Variants in GAB1 observed in about 807,000 individuals in gnomAD.
GAB1 encodes the protein GRB2-associated-binding protein 1.
A neutral mutation model predicts 66.5 loss-of-function variants in GAB1; 19 were observed. The ratio of observed to expected loss-of-function variants is 0.29; its 90% confidence interval spans 0.20 to 0.42. The LOEUF (loss-of-function observed/expected upper bound fraction) is 0.42, where lower values mean the gene tolerates loss of function less well. Among genes scored for constraint, GAB1 ranks in the 10% least tolerant of loss-of-function variants. The probability of loss-of-function intolerance (pLI) is 1.00; values close to 1 mark genes in which losing one functional copy is unlikely to be tolerated. For missense variants in GAB1, 732 were observed against 858.5 expected, an observed-to-expected ratio of 0.85 and a Z score of 1.84; for synonymous variants, 294 against 301.4, an observed-to-expected ratio of 0.98 and a Z score of 0.25.
At chr4:143,420,306 C>T (rs1732945217) in intron 2 of GAB1, among the ~76,000 whole-genome samples, 1 of 152,036 alleles carries the variant, frequency 6.6e-6, no homozygotes, top group African/African-American at 2.4e-5. Context: ...TTATCACAGT[C>T]TAAGAAAATA....
chr4:143,438,271 C>A lies in GAB1; in HGVS notation c.866C>A (p.Thr289Asn). The A allele has an allele frequency of 1.9e-6, 3 of 1,613,936 alleles. No homozygotes were observed. The highest frequency in any genetic ancestry group is 2.5e-6 in the Non-Finnish European group (3 of 1,179,888). Residue 289 changes from threonine (T) to asparagine (N), a missense_variant, in exon 4 of 10, where the codon ACC (threonine) becomes AAC (asparagine). Coordinates refer to ENST00000262994, the MANE Select transcript of GAB1 (RefSeq NM_002039.4). ...GATGGAGAACTCTATGTTTTTAATA[C>A]CCCATCTGGGACATCGAGTGTAGAG... ...EADGELYVFN[T>N]PSGTSSVETQ...
At chr4:143,408,779 A>G (rs1732201973) in intron 1 of GAB1, among the ~76,000 whole-genome samples, 1 of 152,236 alleles carries the variant, frequency 6.6e-6, no homozygotes, top group Non-Finnish European at 1.5e-5. Context: ...TTTGAATTCT[A>G]CTAAAGAAGT....
intron 1 of GAB1, among the ~76,000 whole-genome samples, chr4:143,361,102 T>G (rs139286904): frequency 3.2e-4 from 49 of 152,238 alleles, no homozygotes; most frequent in African/African-American, 7.5e-4. Context: ...GGTTAAAAAT[T>G]CAAGTTTTTG....
intron 9 of GAB1, 108 bp from the exon 10 acceptor site, chr4:143,468,923 C>CAA: frequency 1.6e-4 from 159 of 975,562 alleles, no homozygotes; most frequent in Non-Finnish European, 1.8e-4. Context: ...AACTCCTTCT[C>CAA]AAAAAAAAAA....
intron 3 of GAB1, among the ~76,000 whole-genome samples, chr4:143,435,721 G>A (rs923829312): frequency 3.9e-5 from 6 of 152,194 alleles, no homozygotes; most frequent in Non-Finnish European, 8.8e-5. Context: ...CACCTTTGGA[G>A]TTTACAAGTA....
At chr4:143,444,693 G>C (rs184258244) in intron 6 of GAB1, among the ~76,000 whole-genome samples, 33 of 152,144 alleles carry the variant, frequency 2.2e-4, no homozygotes, top group African/African-American at 7.5e-4. Flanking sequence ...TGAGATTTAG[G>C]GTATGAATGA....
At chr4:143,386,024 C>T (rs1157922299) in intron 1 of GAB1, among the ~76,000 whole-genome samples, 1 of 152,114 alleles carries the variant, frequency 6.6e-6, no homozygotes, top group East Asian at 1.9e-4. Flanking sequence ...CACCTGTCGT[C>T]CCAGCTATTT....
At chr4:143,409,391 C>G (rs73850414) in intron 1 of GAB1, among the ~76,000 whole-genome samples, 4,235 of 148,578 alleles carry the variant, frequency 0.029, 246 homozygotes, top group African/African-American at 0.1. Context: ...AACTTTCCCC[C>G]CCCCCGCTCT....
chr4:143,432,323 C>T (rs1024451046), intron 2 of GAB1, among the ~76,000 whole-genome samples: 3 of 152,102 alleles, frequency 2.0e-5, no homozygotes, highest in Non-Finnish European at 2.9e-5. Flanking sequence ...TGCATCTTAC[C>T]CTTTCTCATG....
At chr4:143,392,415 G>A (rs953184977) in intron 1 of GAB1, among the ~76,000 whole-genome samples, 44 of 152,238 alleles carry the variant, frequency 2.9e-4, no homozygotes, top group African/African-American at 3.4e-4. Flanking sequence ...TTCTGATAGC[G>A]TTCATCAAAA....
chr4:143,342,614 G>C (rs552485866), intron 1 of GAB1, among the ~76,000 whole-genome samples: 6 of 120,894 alleles, frequency 5.0e-5, no homozygotes, highest in Admixed American at 1.1e-4. Context: ...ACAATGGCAT[G>C]ATCTTGGCTC....
intron 2 of GAB1, among the ~76,000 whole-genome samples, chr4:143,432,246 C>A (rs1363708072): frequency 1.3e-5 from 2 of 152,146 alleles, no homozygotes; most frequent in African/African-American, 4.8e-5. Context: ...GCATAATTCC[C>A]TCTAACCTCA....
chr4:143,346,479 A>G (rs890799554), intron 1 of GAB1, among the ~76,000 whole-genome samples: 26 of 152,288 alleles, frequency 1.7e-4, no homozygotes, highest in Non-Finnish European at 1.0e-4. Flanking sequence ...TGCCAAGACT[A>G]AGGTGCTGGT....
chr4:143,337,571 G>A (rs780639129), intron 1 of GAB1, among the ~76,000 whole-genome samples: 1 of 152,178 alleles, frequency 6.6e-6, no homozygotes, highest in Non-Finnish European at 1.5e-5. Flanking sequence ...TCTTCCTTAG[G>A]AAGGATGGGG....
chr4:143,445,731 CAT>C (rs1734477807), intron 6 of GAB1, among the ~76,000 whole-genome samples: 1 of 151,984 alleles, frequency 6.6e-6, no homozygotes, highest in African/African-American at 2.4e-5. Flanking sequence ...TTGAGATGAT[CAT>C]ATGTTTTTTG....
chr4:143,395,907 C>T, intron 1 of GAB1: 1 of 455,422 alleles, frequency 2.2e-6, no homozygotes, highest in Non-Finnish European at 4.4e-6. Context: ...CCCGGGAGAG[C>T]AGCGTAGGAA....
chr4:143,439,637 A>G, intron 4 of GAB1, 165 bp from the exon 5 acceptor site: 1 of 584,054 alleles, frequency 1.7e-6, no homozygotes, highest in Non-Finnish European at 3.1e-6. Context: ...TAGTGGTTTA[A>G]TATGCCAATT....
At chr4:143,426,536 T>G (rs1217126067) in intron 2 of GAB1, among the ~76,000 whole-genome samples, 1 of 152,106 alleles carries the variant, frequency 6.6e-6, no homozygotes, top group Non-Finnish European at 1.5e-5. Context: ...AGGGAGACCT[T>G]GTCTCAAAAA....
At position 143,440,225 on chromosome 4, in the gene GAB1, T is replaced by C. The variant is rs1734152560; in HGVS notation, c.1428T>C (p.Thr476=). The change falls in exon 6 of 10, where the codon ACT becomes ACC. Residue 476 remains threonine (T), a synonymous_variant. Transcript: ENST00000262994. ...PIQEANYVPM[T]PGTFDFSSFG... ...AGGAAGCAAATTATGTGCCAATGACTCCAGGAACATTTGATTTTTCCTCAT... is the reference window on the plus strand; with the variant it reads ...AGGAAGCAAATTATGTGCCAATGACCCCAGGAACATTTGATTTTTCCTCAT... The C allele has an allele frequency of 1.2e-6, 2 of 1,614,150 alleles. No individual in the cohort carries two copies. Among genetic ancestry groups the C allele is most frequent in the Non-Finnish European group, 1.7e-6 (2 of 1,180,022 alleles).
Sources: gnomAD v4.1 joint callset for allele counts (sites outside exome capture counted in the v4.1 genomes callset) on GRCh38, gnomAD v4.1.1 for gene constraint, MANE v1.5 for transcripts, NCBI Gene and HGNC (gene_info 2026-07-23, HGNC 2026-07-21) for gene names.